The following C1orf198 variants were observed in gnomAD, a reference collection of about 807,000 sequenced individuals.
The protein encoded by C1orf198 is uncharacterized protein C1orf198.
A neutral mutation model predicts 31.4 loss-of-function variants in C1orf198; 17 were observed. The observed-to-expected ratio is 0.54, with a 90% CI of 0.37 to 0.81. The LOEUF is 0.81. Ranked by LOEUF, C1orf198 falls within the 40% of genes least tolerant of loss-of-function variation. The pLI is 0.00. For missense variants in C1orf198, 401 were observed against 450.3 expected (o/e 0.89, Z 0.99); for synonymous variants, 175 against 193.8 (o/e 0.90, Z 0.81).
rs137997061 is a variant in C1orf198 at position 230,858,142 on chromosome 1, T to C, written c.334-2424A>G. 6.2e-3 allele frequency among the ~76,000 whole-genome samples: 943 copies of C among 152,334 alleles called. 6 individuals carry two copies. Among genetic ancestry groups the C allele is most frequent in the South Asian group, 0.02 (96 of 4,826 alleles). On this transcript the variant is annotated intron_variant, in intron 1 of 3. Transcript: ENST00000366663. The stretch of plus-strand genomic sequence containing the variant: ...GAGTTACCAAGGCTTTGTGATTAGA[T>C]GTCTCCTAGCAGAGGCAGAGGGCCA...
intron 1 of C1orf198, among the ~76,000 whole-genome samples, chr1:230,860,112 G>A (rs772129142): frequency 2.6e-5 from 4 of 152,130 alleles, no homozygotes; most frequent in Admixed American, 6.5e-5. Flanking sequence ...GATTAAAAAG[G>A]TGAATTATAC....
upstream of C1orf198, chr1:230,868,534 C>T (rs1158593842): frequency 3.2e-6 from 4 of 1,267,554 alleles, no homozygotes; most frequent in Non-Finnish European, 3.0e-6. Context: ...CCGCCGCTCC[C>T]GGCCCGCGCC....
At position 230,843,429 on chromosome 1, in the gene C1orf198, C is replaced by T. The variant is rs1467905642; in HGVS notation, c.852G>A (p.Glu284=). The T allele has an allele frequency of 6.3e-7, 1 of 1,586,680 alleles. No homozygotes were observed. Among genetic ancestry groups the T allele is most frequent in the Non-Finnish European group, 8.6e-7 (1 of 1,166,172 alleles). ...TGACATCAGGAGATGGCAGCTTCCC[C>T]TCGAGCTGGGAGGGGGCAGCCTCGT... The part of the protein sequence containing the change: ...ALHEAAPSQL[E]GKLPSPDVRQ... The change falls in exon 3 of 4, where the codon GAG becomes GAA. Residue 284 remains glutamate, a synonymous_variant. Transcript: ENST00000366663. The surrounding 1 kb of genome is among the most constrained non-coding windows in gnomAD (Gnocchi z 4.9).
rs1669520559 is a variant in C1orf198, at chr1:230,843,968, C to T, written c.385-72G>A. ...GAATCGACCGTCACAAGTGTGCCAG[C>T]TCACGCACCCCTCCTCAGCATAAGG... On this transcript the variant is annotated intron_variant, in intron 2 of 3. Coordinates refer to ENST00000366663, the MANE Select transcript of C1orf198 (RefSeq NM_032800.3). This position sits in a 1 kb window ranked among gnomAD's most constrained non-coding sequence, Gnocchi z 4.9. The T allele has an allele frequency of 2.8e-6, 4 of 1,429,886 alleles. No homozygotes were observed. The highest frequency in any genetic ancestry group is 2.8e-6 in the Non-Finnish European group (3 of 1,072,358). 88.6% of individuals were successfully genotyped at this position (1,429,886 alleles called of 1,614,324 possible).
At chr1:230,853,428 TCAA>T (rs1669793735) in intron 2 of C1orf198, among the ~76,000 whole-genome samples, 1 of 151,934 alleles carries the variant, frequency 6.6e-6, no homozygotes, top group South Asian at 2.1e-4. Flanking sequence ...GCAAATCTCT[TCAA>T]GCAGGATGGC....
chr1:230,862,212 C>G (rs1670019880), intron 1 of C1orf198, among the ~76,000 whole-genome samples: 1 of 152,240 alleles, frequency 6.6e-6, no homozygotes, highest in Non-Finnish European at 1.5e-5. Context: ...AGTGACAACA[C>G]TGGTTGTTGT....
upstream of C1orf198, chr1:230,869,039 G>A (rs1670196615): frequency 6.6e-6 from 1 of 152,290 alleles, no homozygotes; most frequent in African/African-American, 2.4e-5. Flanking sequence ...TTTCTGGGAC[G>A]AGCCACACCT....
intron 2 of C1orf198, among the ~76,000 whole-genome samples, chr1:230,847,101 T>C (rs1669611391): frequency 2.5e-5 from 1 of 40,162 alleles, no homozygotes. Flanking sequence ...AGACTCCGTC[T>C]CAAAAAAAAA....
intron 1 of C1orf198, among the ~76,000 whole-genome samples, chr1:230,861,311 G>C (rs1336483363): frequency 1.3e-5 from 2 of 152,188 alleles, no homozygotes; most frequent in Non-Finnish European, 2.9e-5. Context: ...TTTTGGGAAA[G>C]GTCTGTGTGG....
intron 1 of C1orf198, among the ~76,000 whole-genome samples, chr1:230,862,796 T>C (rs565574089): frequency 3.4e-4 from 52 of 152,202 alleles, no homozygotes; most frequent in Non-Finnish European, 5.9e-4. Flanking sequence ...GTACATGTCA[T>C]TATTCATTTG....
intron 2 of C1orf198, among the ~76,000 whole-genome samples, chr1:230,852,135 T>C (rs1669762376): frequency 6.6e-6 from 1 of 152,076 alleles, no homozygotes; most frequent in South Asian, 2.1e-4. Context: ...ACCCAACATG[T>C]GTACAAATTT....
rs778745780 is a variant in C1orf198 at position 230,860,034 on chromosome 1, C to T, written c.334-4316G>A. Among the ~76,000 whole-genome samples the T allele has an allele frequency of 9.0e-4, 137 of 152,168 alleles. 1 individual carries two copies. The highest frequency in any genetic ancestry group is 1.9e-3 in the South Asian group (9 of 4,818). ...GTTGGAGCAGGCCTGCACCAACTAA[C>T]GAGAGCTGATTGTAAAATTTTGAGG... On this transcript the variant is annotated intron_variant, in intron 1 of 3. Coordinates refer to ENST00000366663, the MANE Select transcript of C1orf198 (RefSeq NM_032800.3).
At position 230,843,310 on chromosome 1, in the gene C1orf198, A is replaced by G; in HGVS notation, c.927+44T>C. The G allele has an allele frequency of 6.5e-7, 1 of 1,541,782 alleles. No homozygotes were observed. The highest frequency in any genetic ancestry group is 1.2e-5 in the South Asian group (1 of 82,586). ...GGGACCCTCTCGGTTCCCGTGGAAT[A>G]AGGCACCATCCCATCTGAGGACGCG... is the stretch of plus-strand genomic sequence containing the variant. On this transcript the variant is annotated intron_variant, in intron 3 of 3. Transcript: ENST00000366663. The surrounding 1 kb of genome is among the most constrained non-coding windows in gnomAD (Gnocchi z 4.9).
chr1:230,865,033 C>G (rs1670085979), intron 1 of C1orf198, among the ~76,000 whole-genome samples: 1 of 152,194 alleles, frequency 6.6e-6, no homozygotes, highest in Admixed American at 6.5e-5. Flanking sequence ...CTGTCAAAAG[C>G]ATCCATTTGC....
Position 230,843,633 on chromosome 1 carries a change from C to G in C1orf198, c.648G>C (p.Lys216Asn). The change falls in exon 3 of 4, where the codon AAG becomes AAC. Residue 216 changes from lysine (K) to asparagine (N), a missense_variant. By Grantham distance (94) the Lys-to-Asn change is moderately conservative. Transcript: ENST00000366663. The surrounding 1 kb of genome is among the most constrained non-coding windows in gnomAD (Gnocchi z 4.9). ...AGACCTTTTCCCCCTTCTCCATGGA[C>G]TTGATCTGGCTAGGGGTCAGCGACT... Reference protein sequence around the residue: ...EFQSLTPSQIKSMEKGEKVLP... With the variant: ...EFQSLTPSQINSMEKGEKVLP... 1 of 1,614,254 alleles carries G rather than the reference C, an allele frequency of 6.2e-7. No homozygotes were observed. The highest frequency in any genetic ancestry group is 1.6e-4 in the Middle Eastern group (1 of 6,062).
chr1:230,856,033 G>A, intron 1 of C1orf198: 10 of 1,106,512 alleles, frequency 9.0e-6, no homozygotes, highest in Non-Finnish European at 1.1e-5. Context: ...GGTCTCAGCA[G>A]AATCAGGCAC....
At chr1:230,848,218 G>A (rs1055116341) in intron 2 of C1orf198, among the ~76,000 whole-genome samples, 1 of 152,252 alleles carries the variant, frequency 6.6e-6, no homozygotes, top group African/African-American at 2.4e-5. Context: ...AGTTTAGGGG[G>A]TCTGGAGGTG....
chr1:230,859,173 C>T (rs1669947107), intron 1 of C1orf198, among the ~76,000 whole-genome samples: 1 of 152,196 alleles, frequency 6.6e-6, no homozygotes, highest in Admixed American at 6.5e-5. Flanking sequence ...CAAGAACAGG[C>T]TCCCTGGGCT....
Position 230,843,580 on chromosome 1 carries a change from G to C in C1orf198, c.701C>G (p.Ala234Gly). The C allele has an allele frequency of 6.2e-7, 1 of 1,614,160 alleles. No individual in the cohort carries two copies. The change falls in exon 3 of 4, where the codon GCC (alanine) becomes GGC (glycine). Residue 234 changes from alanine to glycine, a missense_variant. Physicochemically the swap from Ala to Gly is moderately conservative, Grantham distance 60. Coordinates refer to ENST00000366663, the MANE Select transcript of C1orf198 (RefSeq NM_032800.3). This position sits in a 1 kb window ranked among gnomAD's most constrained non-coding sequence, Gnocchi z 4.9. ...VLPPCYRQEP[A>G]PKDREAKVER... ...CACCTTGGCCTCCCTGTCCTTCGGG[G>C]CAGGTTCCTGCCGGTAGCAGGGAGG... is the stretch of plus-strand genomic sequence containing the variant.
Sources: gnomAD v4.1 joint callset for allele counts (sites outside exome capture counted in the v4.1 genomes callset) on GRCh38, gnomAD v4.1.1 for gene constraint, Gnocchi (gnomAD v3.1) non-coding constraint, MANE v1.5 for transcripts, NCBI Gene and HGNC (gene_info 2026-07-23, HGNC 2026-07-21) for gene names.